Variants in GRID1 observed in about 807,000 individuals in gnomAD.
GRID1 encodes glutamate receptor ionotropic, delta-1.
Under a neutral mutation model 98.0 loss-of-function variants are expected in GRID1, and 28 were observed. The ratio of observed to expected loss-of-function variants is 0.29; its 90% CI spans 0.21 to 0.39. The LOEUF (loss-of-function observed/expected upper bound fraction) is 0.39, where lower values mean the gene tolerates loss of function less well. Ranked by LOEUF, GRID1 falls within the 10% of genes least tolerant of loss-of-function variation. The pLI is 1.00. For synonymous variants in GRID1, 553 were observed against 538.5 expected, an observed-to-expected ratio of 1.03 and a Z score of -0.37; for missense variants, 1,111 against 1,340.5, an observed-to-expected ratio of 0.83 and a Z score of 2.67.
At chr10:85,966,813 C>CAA (rs71016118) in intron 4 of GRID1, among the ~76,000 whole-genome samples, 157 of 136,828 alleles carry the variant, frequency 1.1e-3, no homozygotes, top group Non-Finnish European at 2.2e-3. Flanking sequence ...GACTCCACCT[C>CAA]AAAAAAAAAA....
Position 86,069,290 on chromosome 10 carries a change from G to T in GRID1, c.726+69529C>A, listed in dbSNP as rs573665368. The stretch of plus-strand genomic sequence containing the variant: ...TTATAATCAGAACCCAGCTTTCAGG[G>T]GCTGGGGACCAGGGGATGGAGCTGC... On this transcript the variant is annotated intron_variant, in intron 4 of 15. Transcript: ENST00000327946. Among the ~76,000 whole-genome samples, 5 of 152,292 alleles carry T rather than the reference G, an allele frequency of 3.3e-5. No individual in the cohort carries two copies. In the South Asian group the frequency reaches 1.0e-3, roughly 32 times the overall value.
intron 2 of GRID1, among the ~76,000 whole-genome samples, chr10:86,264,269 G>C (rs1264245253): frequency 6.6e-6 from 1 of 152,136 alleles, no homozygotes; most frequent in African/African-American, 2.4e-5. Context: ...CTTTTCATTT[G>C]TCCTTCATTT....
chr10:85,669,105 C>T (rs1313556276), intron 12 of GRID1, among the ~76,000 whole-genome samples: 4 of 152,208 alleles, frequency 2.6e-5, no homozygotes, highest in Non-Finnish European at 5.9e-5. Flanking sequence ...CCTGAGTAAG[C>T]ATGTGGCCCA....
intron 2 of GRID1, among the ~76,000 whole-genome samples, chr10:86,293,045 C>A (rs2607852): frequency 0.041 from 6,308 of 152,268 alleles, 236 homozygotes; most frequent in Admixed American, 0.11. Flanking sequence ...TCTCTCACTC[C>A]TGAGCCTGGC....
At chr10:86,316,692 G>C (rs1847904357) in intron 2 of GRID1, among the ~76,000 whole-genome samples, 2 of 150,786 alleles carry the variant, frequency 1.3e-5, no homozygotes, top group African/African-American at 4.9e-5. Flanking sequence ...AAGCCCCAGG[G>C]CTCCTGAGCA....
rs751237123 is a variant in GRID1, at chr10:85,916,870, T to C, written c.727-631A>G. Among the ~76,000 whole-genome samples, 1 of 152,234 alleles carries C rather than the reference T, an allele frequency of 6.6e-6. No homozygotes were observed. The highest frequency in any genetic ancestry group is 1.5e-5 in the Non-Finnish European group (1 of 68,032). Reference sequence around the variant, plus strand: ...TGGCTATCAGTTTACTTATTTCTTATTGTCTGTCTCCTCTGCTAGAATATT... The same window carrying C: ...TGGCTATCAGTTTACTTATTTCTTACTGTCTGTCTCCTCTGCTAGAATATT... On this transcript the variant is annotated intron_variant, in intron 4 of 15. Transcript: ENST00000327946. This position sits in a 1 kb window ranked among gnomAD's most constrained non-coding sequence, Gnocchi z 4.0.
At chr10:85,693,807 T>C (rs905397283) in intron 12 of GRID1, among the ~76,000 whole-genome samples, 9 of 152,136 alleles carry the variant, frequency 5.9e-5, no homozygotes, top group African/African-American at 1.7e-4. Flanking sequence ...AAGACTTACA[T>C]GTAAGACTGA....
chr10:86,267,682 G>GACAACAA (rs940858552), intron 2 of GRID1, among the ~76,000 whole-genome samples: 1 of 152,138 alleles, frequency 6.6e-6, no homozygotes, highest in Non-Finnish European at 1.5e-5. Flanking sequence ...TCAGCTGAAA[G>GACAACAA]ACAACAAAAG....
intron 8 of GRID1, among the ~76,000 whole-genome samples, chr10:85,787,544 GAAC>G (rs1341770402): frequency 6.6e-6 from 1 of 152,080 alleles, no homozygotes; most frequent in Non-Finnish European, 1.5e-5. Flanking sequence ...TCCTGGGAGG[GAAC>G]AACAAGGGGC....
At chr10:85,691,928 C>T (rs1003956633) in intron 12 of GRID1, among the ~76,000 whole-genome samples, 2 of 152,044 alleles carry the variant, frequency 1.3e-5, no homozygotes, top group Non-Finnish European at 1.5e-5. Flanking sequence ...TTTCTGCAGT[C>T]GGGGTCCCAC....
chr10:86,208,382 C>G (rs1202969190), intron 2 of GRID1, among the ~76,000 whole-genome samples: 1 of 152,144 alleles, frequency 6.6e-6, no homozygotes, highest in Non-Finnish European at 1.5e-5. Context: ...CTCTCCTAAA[C>G]AGAAATCCAT....
intron 4 of GRID1, among the ~76,000 whole-genome samples, chr10:86,015,243 AAGAAACG>A (rs1287154578): frequency 2.6e-5 from 4 of 152,238 alleles, no homozygotes; most frequent in African/African-American, 9.6e-5. Flanking sequence ...ATATGGGTTG[AAGAAACG>A]CACACGGGTG....
chr10:86,344,705 C>T (rs1848358392), intron 2 of GRID1, among the ~76,000 whole-genome samples: 1 of 152,246 alleles, frequency 6.6e-6, no homozygotes, highest in South Asian at 2.1e-4. Flanking sequence ...TCTAAGAAGT[C>T]TAGCAGAATT....
intron 12 of GRID1, among the ~76,000 whole-genome samples, chr10:85,706,406 G>A (rs1654999220): frequency 6.6e-6 from 1 of 152,112 alleles, no homozygotes; most frequent in Admixed American, 6.6e-5. Flanking sequence ...AACTTACAAG[G>A]GATGTGAAGG....
At chr10:86,266,498 G>T (rs1310814728) in intron 2 of GRID1, among the ~76,000 whole-genome samples, 2 of 152,194 alleles carry the variant, frequency 1.3e-5, no homozygotes, top group African/African-American at 4.8e-5. Flanking sequence ...CCCTAATCTG[G>T]TTCGAGGCTT....
chr10:86,175,520 C>G (rs1054028601), intron 3 of GRID1, among the ~76,000 whole-genome samples: 7 of 152,054 alleles, frequency 4.6e-5, no homozygotes, highest in African/African-American at 1.7e-4. Flanking sequence ...TTCCTGCCAT[C>G]TCTCGAACCC....
chr10:85,843,072 A>T (rs139850889), intron 8 of GRID1, among the ~76,000 whole-genome samples: 1 of 152,036 alleles, frequency 6.6e-6, no homozygotes, highest in African/African-American at 2.4e-5. Context: ...GGTAATCAAG[A>T]CAGGGTCATA....
intron 3 of GRID1, among the ~76,000 whole-genome samples, chr10:86,177,097 C>CA (rs1213761420): frequency 1.3e-5 from 2 of 151,834 alleles, no homozygotes; most frequent in African/African-American, 2.4e-5. Flanking sequence ...CAGCAAACCC[C>CA]AACAGCACCC....
chr10:85,961,785 C>T (rs1014034774), intron 4 of GRID1, among the ~76,000 whole-genome samples: 45 of 151,364 alleles, frequency 3.0e-4, no homozygotes, highest in Middle Eastern at 3.4e-3. Flanking sequence ...TCCTTCTTTC[C>T]TTCTCCTTTT....
Sources: allele counts gnomAD v4.1 joint callset (sites outside exome capture counted in the v4.1 genomes callset), GRCh38; gene constraint gnomAD v4.1.1; non-coding constraint Gnocchi (gnomAD v3.1); transcripts MANE v1.5; gene names NCBI Gene and HGNC (gene_info 2026-07-23, HGNC 2026-07-21).